USP13: variants seen among roughly 807,000 people sequenced by gnomAD.
The protein encoded by USP13 is ubiquitin carboxyl-terminal hydrolase 13.
A neutral mutation model predicts 107.8 loss-of-function variants in USP13; 68 were observed. That is an observed-to-expected ratio of 0.63 (90% CI 0.52 to 0.77). The LOEUF (loss-of-function observed/expected upper bound fraction) is 0.77, where lower values mean the gene tolerates loss of function less well. USP13 is among the 30% of genes least tolerant of loss of function. USP13 has a pLI of 0.00. For synonymous variants in USP13, 377 were observed against 389.5 expected, an observed-to-expected ratio of 0.97 and a Z score of 0.38; for missense variants, 945 against 1,093.3, an observed-to-expected ratio of 0.86 and a Z score of 1.91.
At position 179,693,848 on chromosome 3, in the gene USP13, AT is replaced by A. The variant is rs897948295; in HGVS notation, c.355+3558del. Reference sequence around the variant, plus strand: ...ACCACCATGCCCAGCTAATTTTTGTATTTTTTTTTTTGTAGAGACGAGGTTT... The same window carrying A: ...ACCACCATGCCCAGCTAATTTTTGTATTTTTTTTTTGTAGAGACGAGGTTT... On this transcript the variant is annotated intron_variant, in intron 3 of 20. Transcript: ENST00000263966. 2.6e-3 allele frequency among the ~76,000 whole-genome samples: 375 copies of A among 142,914 alleles called. 2 individuals are homozygous for A. The highest frequency in any genetic ancestry group is 0.013 in the East Asian group (62 of 4,914). 93.8% of individuals were successfully genotyped at this position (142,914 alleles called of 152,430 possible).
chr3:179,655,893 A>G lies in USP13; in HGVS notation c.168+2500A>G, dbSNP rs543153018. The stretch of plus-strand genomic sequence containing the variant: ...TATGTAACACTATACTATGAATCCA[A>G]TAAGGGATTCTTCAGCACCTACTAT... On this transcript the variant is annotated intron_variant, in intron 1 of 20. Coordinates refer to ENST00000263966, the MANE Select transcript of USP13 (RefSeq NM_003940.3). Among the ~76,000 whole-genome samples the G allele has an allele frequency of 6.6e-5, 10 of 152,320 alleles. No homozygotes were observed. The South Asian group carries it at 1.2e-3, about 19-fold the overall frequency.
intron 1 of USP13, among the ~76,000 whole-genome samples, chr3:179,677,609 T>A (rs1711515972): frequency 6.6e-6 from 1 of 151,868 alleles, no homozygotes; most frequent in Non-Finnish European, 1.5e-5. Flanking sequence ...ATAAAATAAA[T>A]TTCCATCAGA....
chr3:179,684,994 C>G (rs1711818487), intron 2 of USP13, among the ~76,000 whole-genome samples: 1 of 152,110 alleles, frequency 6.6e-6, no homozygotes, highest in Non-Finnish European at 1.5e-5. Flanking sequence ...CAGGGACTTT[C>G]TTTGGTTTTG....
At chr3:179,698,326 G>T in intron 3 of USP13, among the ~76,000 whole-genome samples, 1 of 152,192 alleles carries the variant, frequency 6.6e-6, no homozygotes, top group East Asian at 1.9e-4. Context: ...GATATTGTTT[G>T]TGGAGTCCCC....
At position 179,682,034 on chromosome 3, in the gene USP13, T is replaced by C. The variant is rs111500334; in HGVS notation, c.294+31T>C. 1.0e-3 allele frequency: 1,655 copies of C among 1,602,180 alleles called. 14 individuals are homozygous for C. The African/African-American group carries it at 0.019, about 19-fold the overall frequency. On this transcript the variant is annotated intron_variant, in intron 2 of 20. Transcript: ENST00000263966. ...AGCGGCACTTTCAGAGAACTGGCCT[T>C]GATGTCTTCCCTGTAACGTTGTCTC...
intron 1 of USP13, among the ~76,000 whole-genome samples, chr3:179,657,588 CT>C: frequency 6.6e-6 from 1 of 151,176 alleles, no homozygotes; most frequent in Middle Eastern, 3.2e-3. Context: ...TGGTGAAACC[CT>C]GTCTCTACTA....
At chr3:179,690,703 G>C (rs1712086130) in intron 3 of USP13, among the ~76,000 whole-genome samples, 1 of 152,126 alleles carries the variant, frequency 6.6e-6, no homozygotes, top group South Asian at 2.1e-4. Flanking sequence ...CTCCCAAGTA[G>C]CTGAGACCAC....
At chr3:179,763,130 A>G (rs1406295354) in intron 17 of USP13, among the ~76,000 whole-genome samples, 2 of 152,126 alleles carry the variant, frequency 1.3e-5, no homozygotes, top group Non-Finnish European at 1.5e-5. Flanking sequence ...ACGAGTTTCT[A>G]TGAGATATAT....
intron 4 of USP13, among the ~76,000 whole-genome samples, chr3:179,705,678 A>G (rs1445607852): frequency 1.3e-5 from 2 of 152,132 alleles, no homozygotes; most frequent in African/African-American, 4.8e-5. Flanking sequence ...TCTATTTGTT[A>G]TGTCCATAAG....
chr3:179,785,168 G>C lies in USP13; in HGVS notation c.*1027G>C, dbSNP rs1429712009. ...ATAACTCTTTGGAGTCATGTCAAGT[G>C]CCCCAAATTTGTCTGTGATTTTCCC... On this transcript the variant is annotated 3_prime_UTR_variant, in exon 21 of 21. Transcript: ENST00000263966. 6.6e-6 allele frequency: 1 copy of C among 152,116 alleles called. No homozygotes were observed. 9.4% of individuals were successfully genotyped at this position (152,116 alleles called of 1,614,324 possible).
chr3:179,656,010 C>T (rs555407980), intron 1 of USP13, among the ~76,000 whole-genome samples: 59 of 152,198 alleles, frequency 3.9e-4, no homozygotes, highest in African/African-American at 1.3e-3. Flanking sequence ...ACAAGTGCCA[C>T]GGGATGTCTT....
intron 3 of USP13, among the ~76,000 whole-genome samples, chr3:179,694,829 A>G (rs921896002): frequency 2.7e-5 from 4 of 150,748 alleles, no homozygotes; most frequent in Admixed American, 6.6e-5. Flanking sequence ...AAAAAGAAAC[A>G]AAGAAAAGAG....
chr3:179,728,783 C>T (rs916747705), intron 8 of USP13, among the ~76,000 whole-genome samples: 10 of 152,182 alleles, frequency 6.6e-5, no homozygotes, highest in Non-Finnish European at 1.0e-4. Flanking sequence ...GGCTGGAGAC[C>T]GGCCGGGCCA....
chr3:179,693,918 G>T (rs1187140268), intron 3 of USP13, among the ~76,000 whole-genome samples: 1 of 150,598 alleles, frequency 6.6e-6, no homozygotes, highest in Non-Finnish European at 1.5e-5. Context: ...ACCTCAGGTG[G>T]TCTGCCCACC....
chr3:179,751,418 G>A (rs1029633345), intron 13 of USP13, among the ~76,000 whole-genome samples: 3 of 152,094 alleles, frequency 2.0e-5, no homozygotes, highest in Non-Finnish European at 1.5e-5. Flanking sequence ...TTTTAATGAG[G>A]CCCTGGCATT....
chr3:179,692,974 C>G (rs1024858209), intron 3 of USP13, among the ~76,000 whole-genome samples: 1 of 152,092 alleles, frequency 6.6e-6, no homozygotes, highest in Admixed American at 6.6e-5. Flanking sequence ...TGTATTCAGG[C>G]AAGATTTCAT....
intron 3 of USP13, among the ~76,000 whole-genome samples, chr3:179,693,338 T>G (rs1712175947): frequency 6.6e-6 from 1 of 151,926 alleles, no homozygotes. Flanking sequence ...TTTTTTAAAG[T>G]GATGGGGTCT....
At chr3:179,750,311 T>A (rs1576975862) in intron 13 of USP13, among the ~76,000 whole-genome samples, 4 of 74,318 alleles carry the variant, frequency 5.4e-5, no homozygotes, top group Non-Finnish European at 8.9e-5. Context: ...TGTGTATATA[T>A]ATATATATAT....
At chr3:179,705,986 G>GTGCTA (rs1186630924) in intron 4 of USP13, among the ~76,000 whole-genome samples, 1 of 152,170 alleles carries the variant, frequency 6.6e-6, no homozygotes, top group Admixed American at 6.5e-5. Flanking sequence ...GCCTCCCAAA[G>GTGCTA]TGCTAGGATT....
Sources: allele counts gnomAD v4.1 joint callset (sites outside exome capture counted in the v4.1 genomes callset), GRCh38; gene constraint gnomAD v4.1.1; transcripts MANE v1.5; gene names NCBI Gene and HGNC (gene_info 2026-07-23, HGNC 2026-07-21).